RBL1: variants seen among roughly 807,000 people sequenced by gnomAD.
RBL1 encodes the protein RB transcriptional corepressor like 1.
RBL1 carries 82 observed loss-of-function variants against 123.0 expected under a neutral mutation model. The observed-to-expected ratio is 0.67, with a 90% CI of 0.56 to 0.80. RBL1 has a LOEUF of 0.80. Ranked by LOEUF, RBL1 falls within the 30% of genes least tolerant of loss-of-function variation. The probability of loss-of-function intolerance (pLI) is 0.00; values close to 1 mark genes in which losing one functional copy is unlikely to be tolerated. For synonymous variants in RBL1, 405 were observed against 441.3 expected, an observed-to-expected ratio of 0.92 and a Z score of 1.03; for missense variants, 1,171 against 1,299.6, an observed-to-expected ratio of 0.90 and a Z score of 1.52.
chr20:37,007,026 T>C (rs2064085504), intron 20 of RBL1, among the ~76,000 whole-genome samples: 2 of 150,298 alleles, frequency 1.3e-5, no homozygotes, highest in South Asian at 4.3e-4. Flanking sequence ...GTGGGTAGAT[T>C]GCTTGAGTCC....
At chr20:37,078,720 C>T (rs1296680124) in intron 2 of RBL1, among the ~76,000 whole-genome samples, 2 of 152,104 alleles carry the variant, frequency 1.3e-5, no homozygotes, top group African/African-American at 4.8e-5. Flanking sequence ...TAATCAAATT[C>T]ATAGAGGAAG....
intron 21 of RBL1, among the ~76,000 whole-genome samples, chr20:37,001,936 A>AC (rs2063989859): frequency 6.6e-6 from 1 of 151,208 alleles, no homozygotes; most frequent in African/African-American, 2.4e-5. Flanking sequence ...AAAAAAAAAA[A>AC]AAAAAACAAA....
In RBL1 at chr20:37,076,467, A is replaced by C. The variant is rs968877811; in HGVS notation, c.291-8281T>G. 9.2e-5 allele frequency among the ~76,000 whole-genome samples: 14 copies of C among 152,348 alleles called. No homozygotes were observed. The South Asian group carries it at 2.9e-3, about 32-fold the overall frequency. On this transcript the variant is annotated intron_variant, in intron 2 of 21. Transcript: ENST00000373664. ...TCTCTGATAACTGAGAGGGCCACTA[A>C]GTGGCCAACAGGCAGGTAGCATACA... is the stretch of plus-strand genomic sequence containing the variant.
At chr20:37,046,505 C>T (rs530477603) in intron 12 of RBL1, among the ~76,000 whole-genome samples, 7 of 152,084 alleles carry the variant, frequency 4.6e-5, no homozygotes, top group Non-Finnish European at 7.4e-5. Context: ...CTCAAGCCAT[C>T]CTCCAGCCTC....
intron 20 of RBL1, among the ~76,000 whole-genome samples, chr20:37,005,436 A>G (rs915936839): frequency 4.8e-4 from 73 of 151,890 alleles, no homozygotes; most frequent in Non-Finnish European, 8.5e-4. Context: ...AGGGACAAAG[A>G]GTAACCAATC....
At chr20:37,070,616 T>G (rs2065269224) in intron 2 of RBL1, among the ~76,000 whole-genome samples, 1 of 152,140 alleles carries the variant, frequency 6.6e-6, no homozygotes. Flanking sequence ...AGGAGTAAAA[T>G]TCAAGAGTTT....
intron 8 of RBL1, 106 bp downstream of exon 8, chr20:37,061,978 T>A: frequency 1.0e-5 from 13 of 1,268,002 alleles, no homozygotes; most frequent in Non-Finnish European, 1.4e-5. Context: ...TATGAATTAG[T>A]AGAAGAAGCT....
chr20:37,062,972 A>C (rs141877299), intron 7 of RBL1, among the ~76,000 whole-genome samples: 18,571 of 152,078 alleles, frequency 0.12, 1,189 homozygotes, highest in African/African-American at 0.15. Context: ...ACAGAGCGAG[A>C]CTCCGTCTCC....
chr20:37,056,195 G>A lies in RBL1; in HGVS notation c.1314C>T (p.Phe438=), dbSNP rs1258281332. Residue 438 remains phenylalanine (F), a synonymous_variant, in exon 10 of 22, where the codon TTC becomes TTT. Transcript: ENST00000373664. ...MKILKGIGET[F]CQHYTQSTDE... is the part of the protein sequence containing the mutation. ...CTGTTGATTGAGTATAGTGTTGACAGAAAGTCTCTCCTATTCCTTTTAGTA... is the reference window on the plus strand; with the variant it reads ...CTGTTGATTGAGTATAGTGTTGACAAAAAGTCTCTCCTATTCCTTTTAGTA... 2 of 1,610,890 alleles carry A rather than the reference G, an allele frequency of 1.2e-6. No individual in the cohort carries two copies. Among genetic ancestry groups the A allele is most frequent in the African/African-American group, 1.3e-5 (1 of 74,822 alleles).
Position 36,999,644 on chromosome 20 carries a change from G to A in RBL1, c.3037-715C>T, listed in dbSNP as rs913942774. Among the ~76,000 whole-genome samples, 1,326 of 152,234 alleles carry A rather than the reference G, an allele frequency of 8.7e-3. 10 individuals are homozygous for A. Among genetic ancestry groups the A allele is most frequent in the African/African-American group, 0.031 (1,274 of 41,536 alleles). ...GTGCCTGCGATTGCAGGCACGCGCC[G>A]CCACGCCTGACTGGTTTTCGTATTT... is the stretch of plus-strand genomic sequence containing the variant. On this transcript the variant is annotated intron_variant, in intron 21 of 21. Transcript: ENST00000373664.
rs567591230 is a variant in RBL1 at position 37,011,558 on chromosome 20, C to T, written c.2723-3999G>A. On this transcript the variant is annotated intron_variant, in intron 19 of 21. Coordinates refer to ENST00000373664, the MANE Select transcript of RBL1 (RefSeq NM_002895.5). ...CAAGCAATTCTCTTGCCTCAGCCTC[C>T]GAAGTGGCAGGGATTACAAGTGCTT... Among the ~76,000 whole-genome samples the T allele has an allele frequency of 7.9e-5, 12 of 151,852 alleles. No individual in the cohort carries two copies. In the South Asian group the frequency reaches 2.3e-3, roughly 29 times the overall value.
At position 37,062,166 on chromosome 20, in the gene RBL1, C is replaced by T. The variant is rs1403624545; in HGVS notation, c.1001G>A (p.Arg334Gln). Reference sequence around the variant, plus strand: ...TAATGGGGTGTCACGAGTGAACTTTCGAGGTGTTCCAATTTCCTCTTCTGC... The same window carrying T: ...TAATGGGGTGTCACGAGTGAACTTTTGAGGTGTTCCAATTTCCTCTTCTGC... ...ADAEEEIGTP[R>Q]KFTRDTPLGK... Residue 334 changes from arginine to glutamine, a missense_variant, in exon 8 of 22, where the codon CGA becomes CAA. By Grantham distance (43) the Arg-to-Gln change is conservative. Coordinates refer to ENST00000373664, the MANE Select transcript of RBL1 (RefSeq NM_002895.5). The T allele has an allele frequency of 1.9e-6, 3 of 1,614,170 alleles. No homozygotes were observed. Among genetic ancestry groups the T allele is most frequent in the East Asian group, 2.2e-5 (1 of 44,874 alleles).
intron 16 of RBL1, among the ~76,000 whole-genome samples, chr20:37,028,330 A>T (rs1177658782): frequency 6.6e-6 from 1 of 152,128 alleles, no homozygotes; most frequent in Non-Finnish European, 1.5e-5. Flanking sequence ...ACGCTACTGC[A>T]TTCCAGCTTG....
At chr20:37,050,710 A>G (rs1162719859) in intron 11 of RBL1, among the ~76,000 whole-genome samples, 1 of 152,050 alleles carries the variant, frequency 6.6e-6, no homozygotes, top group Non-Finnish European at 1.5e-5. Flanking sequence ...ATAACAAAAT[A>G]AAACGACCAA....
At chr20:37,046,941 G>A in intron 12 of RBL1, 112 bp downstream of exon 12, 1 of 1,384,690 alleles carries the variant, frequency 7.2e-7, no homozygotes, top group South Asian at 1.7e-5. Context: ...AACACATCTG[G>A]AAACACTTTC....
chr20:37,001,145 GC>G (rs2063972022), intron 21 of RBL1, among the ~76,000 whole-genome samples: 1 of 149,272 alleles, frequency 6.7e-6, no homozygotes, highest in South Asian at 2.1e-4. Context: ...CCCCCGCCCG[GC>G]CAGCCGCCCC....
At chr20:37,077,787 G>GA (rs147186219) in intron 2 of RBL1, among the ~76,000 whole-genome samples, 4,929 of 117,810 alleles carry the variant, frequency 0.042, 94 homozygotes, top group African/African-American at 0.055. Context: ...TCTATTTTCT[G>GA]AAAAAAAAAA....
intron 19 of RBL1, among the ~76,000 whole-genome samples, chr20:37,014,085 CT>C (rs1184794374): frequency 2.8e-3 from 386 of 136,266 alleles, no homozygotes; most frequent in Middle Eastern, 7.8e-3. Context: ...AACTTTCTCT[CT>C]TTTTTTTTTT....
chr20:37,004,202 C>T (rs2064034069), intron 20 of RBL1, among the ~76,000 whole-genome samples: 1 of 151,234 alleles, frequency 6.6e-6, no homozygotes, highest in Non-Finnish European at 1.5e-5. Context: ...TCCCAAGTAG[C>T]TGGGATTACA....
Sources: allele counts gnomAD v4.1 joint callset (sites outside exome capture counted in the v4.1 genomes callset), GRCh38; gene constraint gnomAD v4.1.1; transcripts MANE v1.5; gene names NCBI Gene and HGNC (gene_info 2026-07-23, HGNC 2026-07-21).